Variants in HTR2C observed in about 807,000 individuals in gnomAD.
HTR2C encodes the protein 5-hydroxytryptamine (serotonin) receptor 2C, G protein-coupled.
HTR2C carries 5 observed loss-of-function variants against 21.0 expected under a neutral mutation model. That is an observed-to-expected ratio of 0.24 (90% confidence interval 0.12 to 0.50). The LOEUF (loss-of-function observed/expected upper bound fraction) is 0.50, where lower values mean the gene tolerates loss of function less well. HTR2C is among the 20% of genes least tolerant of loss of function. The probability of loss-of-function intolerance (pLI) is 0.98; values close to 1 mark genes in which losing one functional copy is unlikely to be tolerated. For synonymous variants in HTR2C, 150 were observed against 145.3 expected, an observed-to-expected ratio of 1.03 and a Z score of -0.23; for missense variants, 271 against 371.2, an observed-to-expected ratio of 0.73 and a Z score of 2.22.
At chrX:114,832,596 T>C (rs12382533) in intron 4 of HTR2C, among the ~76,000 whole-genome samples, 1 of 29,191 alleles carries the variant, frequency 3.4e-5, no homozygotes, top group African/African-American at 6.9e-5. Context: ...AAGGAGATTT[T>C]GGGCTGAGAC....
intron 5 of HTR2C, among the ~76,000 whole-genome samples, chrX:114,876,598 G>C (rs2071139467): frequency 9.2e-6 from 1 of 108,475 alleles, no homozygotes; most frequent in African/African-American, 3.3e-5. Context: ...TTATTACATT[G>C]AGGTATATTC....
intron 4 of HTR2C, among the ~76,000 whole-genome samples, chrX:114,768,612 T>A (rs1448148494): frequency 9.0e-6 from 1 of 110,860 alleles, no homozygotes; most frequent in African/African-American, 3.3e-5. Context: ...ATATGAAAAT[T>A]AAATGACCAT....
In HTR2C at chrX:114,600,361, T is replaced by A. The variant is rs138910305; in HGVS notation, c.-146-13454T>A. Among the ~76,000 whole-genome samples, 5 of 112,171 alleles carry A rather than the reference T, an allele frequency of 4.5e-5. No homozygotes were observed. In the Admixed American group the frequency reaches 4.8e-4, roughly 11 times the overall value. On this transcript the variant is annotated intron_variant, in intron 1 of 5. Coordinates refer to ENST00000276198, the MANE Select transcript of HTR2C (RefSeq NM_000868.4). ...ATAACATTTACTTAATCATTTTTCATTTACAATGTTTTCAAGGAACTAAAT... is the reference window on the plus strand; with the variant it reads ...ATAACATTTACTTAATCATTTTTCAATTACAATGTTTTCAAGGAACTAAAT...
intron 2 of HTR2C, among the ~76,000 whole-genome samples, chrX:114,658,869 CAGGG>C (rs1301980963): frequency 9.0e-6 from 1 of 111,514 alleles, no homozygotes; most frequent in African/African-American, 3.3e-5. Flanking sequence ...TTAGGATAAA[CAGGG>C]TATTAACATA....
At chrX:114,673,029 A>C (rs1357269310) in intron 2 of HTR2C, among the ~76,000 whole-genome samples, 1 of 111,886 alleles carries the variant, frequency 8.9e-6, no homozygotes, top group Non-Finnish European at 1.9e-5. Context: ...TTAACATTCT[A>C]TGATTCTTCA....
intron 4 of HTR2C, among the ~76,000 whole-genome samples, chrX:114,770,962 C>T (rs782024094): frequency 1.0e-4 from 11 of 109,514 alleles, no homozygotes; most frequent in Non-Finnish European, 1.7e-4. Flanking sequence ...CCACGACACC[C>T]GGCTATTGTT....
At chrX:114,606,694 A>G (rs188567987) in intron 1 of HTR2C, among the ~76,000 whole-genome samples, 2 of 111,935 alleles carry the variant, frequency 1.8e-5, no homozygotes, top group Admixed American at 1.9e-4. Flanking sequence ...GTCTGAGGAC[A>G]TGAGGTCATA....
chrX:114,626,470 T>C (rs1241402840), intron 2 of HTR2C, among the ~76,000 whole-genome samples: 2 of 111,519 alleles, frequency 1.8e-5, no homozygotes, highest in Non-Finnish European at 3.8e-5. Context: ...TTTGTGCTAA[T>C]TATTATACCT....
chrX:114,784,866 G>A (rs1447491320), intron 4 of HTR2C, among the ~76,000 whole-genome samples: 1 of 110,694 alleles, frequency 9.0e-6, no homozygotes, highest in East Asian at 2.9e-4. Flanking sequence ...TGATCCGCCC[G>A]CCTCGGCCTC....
chrX:114,714,409 T>G (rs944215963), intron 2 of HTR2C, among the ~76,000 whole-genome samples: 1 of 111,941 alleles, frequency 8.9e-6, no homozygotes, highest in Non-Finnish European at 1.9e-5. Flanking sequence ...AAAATTTTTA[T>G]GAGTCTGTGT....
intron 4 of HTR2C, among the ~76,000 whole-genome samples, chrX:114,819,434 G>T (rs1431822518): frequency 4.5e-5 from 5 of 112,064 alleles, no homozygotes; most frequent in Non-Finnish European, 9.4e-5. Flanking sequence ...TGATGAACAG[G>T]TTAGCTAAAC....
At chrX:114,898,762 T>G (rs1556484638) in intron 5 of HTR2C, among the ~76,000 whole-genome samples, 1 of 112,046 alleles carries the variant, frequency 8.9e-6, no homozygotes, top group Non-Finnish European at 1.9e-5. Context: ...TGTGTCTGTT[T>G]TTGTACCAGT....
intron 4 of HTR2C, among the ~76,000 whole-genome samples, chrX:114,833,679 G>T: frequency 9.1e-6 from 1 of 110,310 alleles, no homozygotes; most frequent in Non-Finnish European, 1.9e-5. Context: ...TTTTTGAAGG[G>T]TTTTTTGTGT....
chrX:114,836,400 A>G (rs1556463898), intron 4 of HTR2C, among the ~76,000 whole-genome samples: 1 of 112,649 alleles, frequency 8.9e-6, no homozygotes, highest in Non-Finnish European at 1.9e-5. Flanking sequence ...GCGGGATATA[A>G]TCTGGTGGTG....
intron 1 of HTR2C, among the ~76,000 whole-genome samples, chrX:114,596,858 C>G (rs146407234): frequency 1.8e-5 from 2 of 111,576 alleles, no homozygotes; most frequent in African/African-American, 6.5e-5. Flanking sequence ...TTGTGGTACT[C>G]CAGCCTGCTC....
intron 4 of HTR2C, among the ~76,000 whole-genome samples, chrX:114,802,103 A>T (rs1179769895): frequency 2.7e-5 from 3 of 111,334 alleles, no homozygotes; most frequent in African/African-American, 6.5e-5. Context: ...AATTTCTTGC[A>T]TCATTTTTTC....
intron 2 of HTR2C, among the ~76,000 whole-genome samples, chrX:114,660,066 T>C (rs967787352): frequency 8.9e-6 from 1 of 112,238 alleles, no homozygotes; most frequent in Non-Finnish European, 1.9e-5. Context: ...TTTACACATG[T>C]AGTAAAATCG....
chrX:114,752,238 GTTTA>G (rs1244769475), intron 4 of HTR2C, among the ~76,000 whole-genome samples: 1 of 111,703 alleles, frequency 9.0e-6, no homozygotes, highest in Non-Finnish European at 1.9e-5. Flanking sequence ...GACAGCACAT[GTTTA>G]TTTTAGTACA....
At chrX:114,636,025 G>A (rs1385282247) in intron 2 of HTR2C, among the ~76,000 whole-genome samples, 1 of 110,122 alleles carries the variant, frequency 9.1e-6, no homozygotes. Flanking sequence ...AGGTAACTGA[G>A]GCTGCAGCCA....
Sources: allele counts gnomAD v4.1 joint callset (sites outside exome capture counted in the v4.1 genomes callset), GRCh38; gene constraint gnomAD v4.1.1; transcripts MANE v1.5; gene names NCBI Gene and HGNC (gene_info 2026-07-23, HGNC 2026-07-21).